The following AP3B1 variants were observed in gnomAD, a reference collection of about 807,000 sequenced individuals.
AP3B1 encodes adaptor related protein complex 3 subunit beta 1.
AP3B1 carries 61 observed loss-of-function variants against 132.5 expected under a neutral mutation model. The ratio of observed to expected loss-of-function variants is 0.46; its 90% confidence interval spans 0.37 to 0.57. AP3B1 has a LOEUF of 0.57. Among genes scored for constraint, AP3B1 ranks in the 20% least tolerant of loss-of-function variants. The pLI, the probability that AP3B1 is intolerant of heterozygous loss-of-function variation, is 0.00. For synonymous variants in AP3B1, 388 were observed against 438.3 expected, an observed-to-expected ratio of 0.89 and a Z score of 1.43; for missense variants, 1,120 against 1,289.4, an observed-to-expected ratio of 0.87 and a Z score of 2.01.
intron 7 of AP3B1, among the ~76,000 whole-genome samples, chr5:78,198,392 C>T (rs10036446): frequency 6.6e-6 from 1 of 151,948 alleles, no homozygotes; most frequent in Admixed American, 6.6e-5. Flanking sequence ...TCACAGTTCT[C>T]GGGGCTGAAA....
chr5:78,114,763 A>G (rs1020870435), intron 18 of AP3B1, among the ~76,000 whole-genome samples: 1 of 152,226 alleles, frequency 6.6e-6, no homozygotes, highest in Non-Finnish European at 1.5e-5. Flanking sequence ...AATAATACCA[A>G]CATCAGGAAG....
intron 6 of AP3B1, among the ~76,000 whole-genome samples, chr5:78,220,986 C>G (rs1277459458): frequency 6.6e-6 from 1 of 152,052 alleles, no homozygotes; most frequent in Non-Finnish European, 1.5e-5. Context: ...GAGGTCGAGG[C>G]TGCAGTGAGC....
At position 78,185,651 on chromosome 5, in the gene AP3B1, G is replaced by T. The variant is rs1343432806; in HGVS notation, c.787-3989C>A. On this transcript the variant is annotated intron_variant, in intron 7 of 26. Coordinates refer to ENST00000255194, the MANE Select transcript of AP3B1 (RefSeq NM_003664.5). Reference sequence around the variant, plus strand: ...AGGTAGAAAGATTACTTAAGGCCAGGAGTTCTAGACCAGCCTGGGCAACAG... The same window carrying T: ...AGGTAGAAAGATTACTTAAGGCCAGTAGTTCTAGACCAGCCTGGGCAACAG... 2.6e-5 allele frequency among the ~76,000 whole-genome samples: 4 copies of T among 152,138 alleles called. No homozygotes were observed. In the East Asian group the frequency reaches 7.7e-4, roughly 29 times the overall value.
intron 25 of AP3B1, 92 bp downstream of exon 25, chr5:78,020,600 T>C: frequency 1.3e-5 from 13 of 996,494 alleles, no homozygotes; most frequent in Non-Finnish European, 2.0e-5. Flanking sequence ...TTAATGGCTA[T>C]GTACCTATGA....
intron 7 of AP3B1, among the ~76,000 whole-genome samples, chr5:78,183,696 C>A (rs1029974421): frequency 6.7e-6 from 1 of 149,360 alleles, no homozygotes; most frequent in African/African-American, 2.5e-5. Flanking sequence ...ATGGCGAAAC[C>A]CTGTCTCACT....
At chr5:78,055,318 T>C (rs779367417) in intron 22 of AP3B1, among the ~76,000 whole-genome samples, 21 of 152,216 alleles carry the variant, frequency 1.4e-4, no homozygotes, top group Non-Finnish European at 2.2e-4. Context: ...GAATGGTTAG[T>C]TTCCTTCTCA....
intron 14 of AP3B1, among the ~76,000 whole-genome samples, chr5:78,152,715 T>C (rs1417173067): frequency 1.3e-5 from 2 of 152,196 alleles, no homozygotes; most frequent in Non-Finnish European, 2.9e-5. Flanking sequence ...GCTTTTGTTA[T>C]ATCCCTTAGG....
chr5:78,134,380 G>A (rs1016472273), intron 15 of AP3B1, among the ~76,000 whole-genome samples: 1 of 151,666 alleles, frequency 6.6e-6, no homozygotes, highest in South Asian at 2.1e-4. Context: ...GTCTGCATTC[G>A]GCATAGTAAA....
chr5:78,146,172 A>G (rs1389780814), intron 14 of AP3B1, among the ~76,000 whole-genome samples: 3 of 152,174 alleles, frequency 2.0e-5, no homozygotes, highest in African/African-American at 4.8e-5. Context: ...TTATTTCCAC[A>G]TGGCCATTGT....
At chr5:78,023,135 T>TA (rs1747176664) in intron 24 of AP3B1, among the ~76,000 whole-genome samples, 1 of 152,190 alleles carries the variant, frequency 6.6e-6, no homozygotes, top group Non-Finnish European at 1.5e-5. Context: ...TCACACCTTC[T>TA]AATGTGAACA....
chr5:78,043,664 C>T, intron 22 of AP3B1: 1 of 455,488 alleles, frequency 2.2e-6, no homozygotes. Context: ...AGTGAAGGAA[C>T]CCCCAGCAGA....
At chr5:78,255,863 C>A (rs549444725) in intron 2 of AP3B1, among the ~76,000 whole-genome samples, 2 of 152,028 alleles carry the variant, frequency 1.3e-5, no homozygotes, top group Admixed American at 6.5e-5. Flanking sequence ...GTCTTAAAAG[C>A]GTTCAAAAAA....
intron 3 of AP3B1, among the ~76,000 whole-genome samples, chr5:78,240,004 G>A (rs1747057009): frequency 6.6e-6 from 1 of 152,108 alleles, no homozygotes; most frequent in Non-Finnish European, 1.5e-5. Flanking sequence ...ACTATGCATG[G>A]AAAATAAAAT....
chr5:78,076,829 T>C (rs760524572), intron 22 of AP3B1, among the ~76,000 whole-genome samples: 70 of 152,220 alleles, frequency 4.6e-4, no homozygotes, highest in East Asian at 1.9e-4. Flanking sequence ...CAGATTTTCA[T>C]GCCAGTAGGG....
chr5:78,072,652 T>C (rs1017411789), intron 22 of AP3B1, among the ~76,000 whole-genome samples: 18 of 146,786 alleles, frequency 1.2e-4, no homozygotes, highest in African/African-American at 4.2e-4. Context: ...GATAGGCTTA[T>C]AAAAGCTGTA....
At chr5:78,242,771 A>G (rs72776499) in intron 2 of AP3B1, among the ~76,000 whole-genome samples, 27,880 of 152,010 alleles carry the variant, frequency 0.18, 2,808 homozygotes, top group Admixed American at 0.27. Flanking sequence ...TTACATTTCT[A>G]TTTATTTTAG....
intron 26 of AP3B1, among the ~76,000 whole-genome samples, chr5:78,012,596 A>T (rs1234677721): frequency 6.6e-6 from 1 of 152,254 alleles, no homozygotes; most frequent in Non-Finnish European, 1.5e-5. Flanking sequence ...AAGCAAGTTA[A>T]GACAGCACAG....
chr5:78,036,280 A>G (rs1160896073), intron 23 of AP3B1, among the ~76,000 whole-genome samples: 5 of 152,174 alleles, frequency 3.3e-5, no homozygotes, highest in Non-Finnish European at 7.4e-5. Flanking sequence ...TCATTCAAAT[A>G]ATGGATTTTT....
chr5:78,144,447 C>A (rs568961122), intron 14 of AP3B1, among the ~76,000 whole-genome samples: 1 of 152,198 alleles, frequency 6.6e-6, no homozygotes, highest in Non-Finnish European at 1.5e-5. Context: ...TCAACACCAG[C>A]CCACTGCACA....
Sources: allele counts gnomAD v4.1 joint callset (sites outside exome capture counted in the v4.1 genomes callset), GRCh38; gene constraint gnomAD v4.1.1; transcripts MANE v1.5; gene names NCBI Gene and HGNC (gene_info 2026-07-23, HGNC 2026-07-21).